ADGRB3: variants seen among roughly 807,000 people sequenced by gnomAD.
The protein encoded by ADGRB3 is adhesion G protein-coupled receptor B3.
In ADGRB3, 37 loss-of-function variants were observed where a neutral mutation model predicts 193.4. The ratio of observed to expected loss-of-function variants is 0.19; its 90% CI spans 0.15 to 0.25. The LOEUF (loss-of-function observed/expected upper bound fraction) is 0.25, where lower values mean the gene tolerates loss of function less well. Among genes scored for constraint, ADGRB3 ranks in the 10% least tolerant of loss-of-function variants. The pLI is 1.00. For synonymous variants in ADGRB3, 690 were observed against 644.2 expected, an observed-to-expected ratio of 1.07 and a Z score of -1.08; for missense variants, 1,637 against 1,852.9, an observed-to-expected ratio of 0.88 and a Z score of 2.14.
At chr6:69,111,014 T>A (rs1773352251) in intron 17 of ADGRB3, among the ~76,000 whole-genome samples, 1 of 152,236 alleles carries the variant, frequency 6.6e-6, no homozygotes, top group Admixed American at 6.5e-5. Context: ...GATTTCGTTT[T>A]TAATGAAATA....
At chr6:69,313,216 C>A (rs1768235468) in intron 20 of ADGRB3, among the ~76,000 whole-genome samples, 1 of 151,846 alleles carries the variant, frequency 6.6e-6, no homozygotes, top group South Asian at 2.1e-4. Context: ...ACATCAGAAT[C>A]TCAGGGAATA....
At chr6:68,782,674 G>A (rs764711794) in intron 3 of ADGRB3, among the ~76,000 whole-genome samples, 2 of 152,090 alleles carry the variant, frequency 1.3e-5, no homozygotes, top group Non-Finnish European at 2.9e-5. Flanking sequence ...TCTAACTGGT[G>A]TGAGATGGTA....
intron 3 of ADGRB3, among the ~76,000 whole-genome samples, chr6:68,857,461 G>A (rs769354833): frequency 5.3e-5 from 8 of 152,202 alleles, no homozygotes; most frequent in Non-Finnish European, 1.2e-4. Context: ...TGGAGTCAAA[G>A]GTGATCATTT....
intron 20 of ADGRB3, among the ~76,000 whole-genome samples, chr6:69,321,802 G>A (rs542665998): frequency 1.8e-4 from 27 of 151,818 alleles, no homozygotes; most frequent in Non-Finnish European, 3.5e-4. Context: ...TTGCAACTTA[G>A]CCAATATGAC....
chr6:68,753,467 A>G (rs992247827), intron 3 of ADGRB3, among the ~76,000 whole-genome samples: 8 of 152,228 alleles, frequency 5.3e-5, no homozygotes, highest in African/African-American at 1.9e-4. Context: ...AAGGATGCCT[A>G]TGGAATATTT....
chr6:68,866,434 T>C (rs1179711485), intron 3 of ADGRB3, among the ~76,000 whole-genome samples: 1 of 152,214 alleles, frequency 6.6e-6, no homozygotes, highest in Non-Finnish European at 1.5e-5. Context: ...TAGCACTTTT[T>C]CTTTATAAAT....
At chr6:68,851,362 T>C (rs961458479) in intron 3 of ADGRB3, among the ~76,000 whole-genome samples, 5 of 151,918 alleles carry the variant, frequency 3.3e-5, no homozygotes, top group African/African-American at 1.2e-4. Context: ...TCTTTTTACA[T>C]GACAATTTTT....
rs146849813 is a variant in ADGRB3 at position 69,216,113 on chromosome 6, G to T, written c.2481-17177G>T. On this transcript the variant is annotated intron_variant, in intron 17 of 31. Coordinates refer to ENST00000370598, the MANE Select transcript of ADGRB3 (RefSeq NM_001704.3). ...ATATTATAATGGTTTTGGTGGCAGA[G>T]TATCATTTTCACCTTCCCAAAATCC... 3.9e-5 allele frequency among the ~76,000 whole-genome samples: 6 copies of T among 152,272 alleles called. No individual in the cohort carries two copies. The East Asian group carries it at 7.7e-4, about 20-fold the overall frequency.
intron 17 of ADGRB3, among the ~76,000 whole-genome samples, chr6:69,219,481 A>G (rs1243510190): frequency 3.8e-5 from 3 of 79,734 alleles, no homozygotes; most frequent in African/African-American, 2.4e-4. Context: ...ATATATATAT[A>G]TATATATATA....
intron 17 of ADGRB3, among the ~76,000 whole-genome samples, chr6:69,212,598 A>C (rs1374986262): frequency 6.6e-6 from 1 of 152,164 alleles, no homozygotes; most frequent in African/African-American, 2.4e-5. Context: ...ACATTCATCA[A>C]ATTGCACTGC....
chr6:68,817,719 G>C (rs1046747444), intron 3 of ADGRB3, among the ~76,000 whole-genome samples: 1 of 151,850 alleles, frequency 6.6e-6, no homozygotes, highest in African/African-American at 2.4e-5. Context: ...ATAAATTATA[G>C]CTATCATTGT....
At chr6:69,150,598 G>T (rs1033063054) in intron 17 of ADGRB3, among the ~76,000 whole-genome samples, 3 of 152,204 alleles carry the variant, frequency 2.0e-5, no homozygotes, top group Admixed American at 2.0e-4. Flanking sequence ...TTGGTGCTCT[G>T]CCCAATTGTG....
rs950312155 is a variant in ADGRB3, at chr6:68,861,655, C to T, written c.758-68904C>T. On this transcript the variant is annotated intron_variant, in intron 3 of 31. Transcript: ENST00000370598. ...CTGTACTATTTTATTTTCAAGAGAC[C>T]ATAGCAAAATTAACTGCCTTCAGTT... Among the ~76,000 whole-genome samples the T allele has an allele frequency of 3.3e-5, 5 of 152,202 alleles. No homozygotes were observed. In the East Asian group the frequency reaches 9.7e-4, roughly 29 times the overall value.
chr6:69,230,559 G>C (rs550708913), intron 17 of ADGRB3, among the ~76,000 whole-genome samples: 1 of 152,156 alleles, frequency 6.6e-6, no homozygotes, highest in East Asian at 1.9e-4. Context: ...TGAAAATACA[G>C]ACTACACATA....
At chr6:69,213,500 A>G (rs1765710399) in intron 17 of ADGRB3, among the ~76,000 whole-genome samples, 1 of 152,190 alleles carries the variant, frequency 6.6e-6, no homozygotes, top group Admixed American at 6.5e-5. Flanking sequence ...GGAAATTCTC[A>G]TGGAGAACAT....
At chr6:68,935,760 G>A (rs757591825) in intron 4 of ADGRB3, among the ~76,000 whole-genome samples, 2 of 152,070 alleles carry the variant, frequency 1.3e-5, no homozygotes, top group Non-Finnish European at 2.9e-5. Flanking sequence ...GTTTTATTGA[G>A]ATGCTAACTC....
At chr6:69,052,889 T>C (rs1268540664) in intron 15 of ADGRB3, among the ~76,000 whole-genome samples, 1 of 152,104 alleles carries the variant, frequency 6.6e-6, no homozygotes, top group African/African-American at 2.4e-5. Flanking sequence ...TTCTTATAGA[T>C]AGAAAATATG....
chr6:69,284,593 A>G (rs933660094), intron 20 of ADGRB3, among the ~76,000 whole-genome samples: 1 of 152,078 alleles, frequency 6.6e-6, no homozygotes, highest in African/African-American at 2.4e-5. Context: ...CTTTCTCTGA[A>G]TCTTTCTAAA....
intron 3 of ADGRB3, among the ~76,000 whole-genome samples, chr6:68,834,883 G>A (rs1278661350): frequency 6.6e-6 from 1 of 151,984 alleles, no homozygotes; most frequent in Non-Finnish European, 1.5e-5. Context: ...CAGACCCCAA[G>A]CCTTTAAGTT....
Sources: allele counts gnomAD v4.1 joint callset (sites outside exome capture counted in the v4.1 genomes callset), GRCh38; gene constraint gnomAD v4.1.1; transcripts MANE v1.5; gene names NCBI Gene and HGNC (gene_info 2026-07-23, HGNC 2026-07-21).